Variants in NUFIP2 observed in about 807,000 individuals in gnomAD.
The protein encoded by NUFIP2 is nuclear FMR1 interacting protein 2.
A neutral mutation model predicts 56.9 loss-of-function variants in NUFIP2; 6 were observed. The ratio of observed to expected loss-of-function variants is 0.11; its 90% confidence interval spans 0.06 to 0.21. The LOEUF is 0.21. NUFIP2 is among the 10% of genes least tolerant of loss of function. The pLI is 1.00. For synonymous variants in NUFIP2, 321 were observed against 298.2 expected, an observed-to-expected ratio of 1.08 and a Z score of -0.79; for missense variants, 828 against 826.8, an observed-to-expected ratio of 1.00 and a Z score of -0.02.
At position 29,262,307 on chromosome 17, in the gene NUFIP2, G is replaced by A. The variant is rs1171580825; in HGVS notation, c.*2232C>T. ...GTTACACAAGGCAATTGAACACACA[G>A]CAGAACTTTAAAACCTGTAAAACAA... On this transcript the variant is annotated 3_prime_UTR_variant, in exon 4 of 4. Coordinates refer to ENST00000225388, the MANE Select transcript of NUFIP2 (RefSeq NM_020772.3). 6.6e-6 allele frequency: 1 copy of A among 152,480 alleles called. No individual in the cohort carries two copies. The highest frequency in any genetic ancestry group is 1.9e-4 in the East Asian group (1 of 5,196). The allele number at this position is 152,480 out of a possible 1,614,324, so 9.4% of individuals were successfully genotyped here.
Position 29,286,757 on chromosome 17 carries a change from T to G in NUFIP2, c.1237A>C (p.Asn413His), listed in dbSNP as rs1481906009. ...GCTAAAACAGGCCCATTAGAAAAGT[T>G]GGCAGAAGTAACAGATTTCAGCGCT... ...MSALKSVTSA[N>H]FSNGPVLAGT... Residue 413 changes from asparagine to histidine, a missense_variant, in exon 2 of 4, where the codon AAC (asparagine) becomes CAC (histidine). Around this residue, in one of 3 missense-constraint regions of NUFIP2, gnomAD observed 404 missense variants for 380.3 expected, o/e 1.06. Transcript: ENST00000225388. 4 of 1,614,124 alleles carry G rather than the reference T, an allele frequency of 2.5e-6. No individual in the cohort carries two copies. The highest frequency in any genetic ancestry group is 3.3e-5 in the Admixed American group (2 of 60,000).
intron 1 of NUFIP2, 45 bp downstream of exon 1, chr17:29,293,738 C>T (rs763435237): frequency 2.6e-6 from 3 of 1,165,762 alleles, no homozygotes; most frequent in South Asian, 2.9e-5. Flanking sequence ...TCTCTCCTGT[C>T]CTCCACCCCC....
chr17:29,268,660 G>T (rs757418251), intron 2 of NUFIP2, among the ~76,000 whole-genome samples: 1 of 152,046 alleles, frequency 6.6e-6, no homozygotes, highest in Non-Finnish European at 1.5e-5. Flanking sequence ...TGGGATTACA[G>T]GCATGCGCCA....
In NUFIP2 at chr17:29,264,150, T is replaced by C. The variant is rs1358571610; in HGVS notation, c.*389A>G. 1 of 152,650 alleles carries C rather than the reference T, an allele frequency of 6.6e-6. No homozygotes were observed. Among genetic ancestry groups the C allele is most frequent in the African/African-American group, 2.4e-5 (1 of 41,418 alleles). 9.5% of individuals were successfully genotyped at this position (152,650 alleles called of 1,614,324 possible). A position where few individuals can be genotyped will look rare whatever the true frequency, so the allele number is the denominator to read the frequency against. ...CAGAGATCTTTTAAGTGGATTTGCC[T>C]TTCCAGTGGGTCATTTGTTGCCCAA... On this transcript the variant is annotated 3_prime_UTR_variant, in exon 4 of 4. Transcript: ENST00000225388.
At position 29,286,478 on chromosome 17, in the gene NUFIP2, G is replaced by T. The variant is rs2069175017; in HGVS notation, c.1516C>A (p.Gln506Lys). 4 of 1,614,084 alleles carry T rather than the reference G, an allele frequency of 2.5e-6. No individual in the cohort carries two copies. Among genetic ancestry groups the T allele is most frequent in the South Asian group, 2.2e-5 (2 of 91,084 alleles). Reference protein sequence around the residue: ...QQNLGDIFQNQWGLSFINEPS... With the variant: ...QQNLGDIFQNKWGLSFINEPS... Reference sequence around the variant, plus strand: ...TCATTTATAAATGATAAACCCCACTGATTCTGGAAGATATCCCCCAGGTTT... The same window carrying T: ...TCATTTATAAATGATAAACCCCACTTATTCTGGAAGATATCCCCCAGGTTT... Residue 506 changes from glutamine to lysine, a missense_variant, in exon 2 of 4, where the codon CAG becomes AAG. Physicochemically the swap from Gln to Lys is moderately conservative, Grantham distance 53. This residue lies in a region of NUFIP2 where 404 missense variants were observed against 380.3 expected (regional missense o/e 1.06). Coordinates refer to ENST00000225388, the MANE Select transcript of NUFIP2 (RefSeq NM_020772.3).
In NUFIP2 at chr17:29,264,492, G is replaced by T. The variant is rs371560511; in HGVS notation, c.*47C>A. On this transcript the variant is annotated 3_prime_UTR_variant, in exon 4 of 4. Transcript: ENST00000225388. The stretch of plus-strand genomic sequence containing the variant: ...TAAAAGCCTTGTGTCCCCCATGAAC[G>T]ATGGCTCTAATGCTGCAGAAAGGTT... The T allele has an allele frequency of 1.5e-6, 2 of 1,356,158 alleles. No homozygotes were observed. The highest frequency in any genetic ancestry group is 2.9e-5 in the African/African-American group (2 of 69,628). The allele number at this position is 1,356,158 out of a possible 1,614,324, so 84.0% of individuals were successfully genotyped here. A position where few individuals can be genotyped will look rare whatever the true frequency, so the allele number is the denominator to read the frequency against.
chr17:29,272,118 GAAGAA>G (rs1400006219), intron 2 of NUFIP2, among the ~76,000 whole-genome samples: 93 of 148,914 alleles, frequency 6.2e-4, no homozygotes, highest in Non-Finnish European at 1.2e-3. Flanking sequence ...GAAGAGAAGA[GAAGAA>G]AAGAAAGAAA....
At chr17:29,276,004 G>C (rs1041259667) in intron 2 of NUFIP2, among the ~76,000 whole-genome samples, 5 of 141,422 alleles carry the variant, frequency 3.5e-5, no homozygotes, top group Admixed American at 2.8e-4. Flanking sequence ...CTCCAGCCTA[G>C]GTGACAGAGT....
intron 1 of NUFIP2, among the ~76,000 whole-genome samples, chr17:29,292,182 C>T (rs1267397486): frequency 1.3e-5 from 2 of 152,088 alleles, no homozygotes; most frequent in African/African-American, 4.8e-5. Flanking sequence ...ATACGAAAAA[C>T]ACCTTTCTTT....
intron 2 of NUFIP2, among the ~76,000 whole-genome samples, chr17:29,270,786 A>G (rs946745069): frequency 2.6e-5 from 4 of 152,132 alleles, no homozygotes; most frequent in African/African-American, 9.7e-5. Flanking sequence ...TGGGAAACAT[A>G]GGGAGACCCT....
Position 29,264,070 on chromosome 17 carries a change from G to T in NUFIP2, c.*469C>A, listed in dbSNP as rs1488025042. On this transcript the variant is annotated 3_prime_UTR_variant, in exon 4 of 4. Coordinates refer to ENST00000225388, the MANE Select transcript of NUFIP2 (RefSeq NM_020772.3). Reference sequence around the variant, plus strand: ...AAGGGAGGAGTGGGGGGAAAATGTTGAATCATTCTGGGTTCCCCGTGATTA... The same window carrying T: ...AAGGGAGGAGTGGGGGGAAAATGTTTAATCATTCTGGGTTCCCCGTGATTA... The T allele has an allele frequency of 2.0e-5, 3 of 152,532 alleles. No homozygotes were observed. Among genetic ancestry groups the T allele is most frequent in the East Asian group, 3.9e-4 (2 of 5,188 alleles). The allele number at this position is 152,532 out of a possible 1,614,324, so 9.4% of individuals were successfully genotyped here.
rs2068991170 is a variant in NUFIP2, at chr17:29,259,646, A to T, written c.*4893T>A. 6.6e-6 allele frequency: 1 copy of T among 152,006 alleles called. No homozygotes were observed. The highest frequency in any genetic ancestry group is 1.5e-5 in the Non-Finnish European group (1 of 68,010). 9.4% of individuals were successfully genotyped at this position (152,006 alleles called of 1,614,324 possible). On this transcript the variant is annotated 3_prime_UTR_variant, in exon 4 of 4. Coordinates refer to ENST00000225388, the MANE Select transcript of NUFIP2 (RefSeq NM_020772.3). ...ATGGCTTTAGAACTCTGCACATAAC[A>T]AAATTGTATGGAAAATAGGGAAGTC...
intron 1 of NUFIP2, among the ~76,000 whole-genome samples, chr17:29,290,127 T>G (rs979138728): frequency 1.3e-5 from 2 of 151,916 alleles, no homozygotes; most frequent in African/African-American, 4.8e-5. Flanking sequence ...TCAAGTGATC[T>G]GCCCGCCTGG....
intron 1 of NUFIP2, among the ~76,000 whole-genome samples, chr17:29,289,243 G>C (rs1307048719): frequency 6.6e-6 from 1 of 152,186 alleles, no homozygotes; most frequent in African/African-American, 2.4e-5. Flanking sequence ...GGTGCTATTA[G>C]TTATCTACCT....
At chr17:29,271,127 C>A (rs895646780) in intron 2 of NUFIP2, among the ~76,000 whole-genome samples, 1 of 152,086 alleles carries the variant, frequency 6.6e-6, no homozygotes, top group African/African-American at 2.4e-5. Context: ...ATGTTATTAC[C>A]CTTAAATGTG....
At chr17:29,264,832 C>A (rs2069025050) in intron 3 of NUFIP2, among the ~76,000 whole-genome samples, 1 of 152,150 alleles carries the variant, frequency 6.6e-6, no homozygotes, top group Non-Finnish European at 1.5e-5. Flanking sequence ...GGCCTCAACT[C>A]CTGCAGATCA....
intron 1 of NUFIP2, among the ~76,000 whole-genome samples, chr17:29,290,760 ACT>A (rs1223746148): frequency 1.3e-5 from 2 of 152,080 alleles, no homozygotes; most frequent in Non-Finnish European, 2.9e-5. Context: ...TCCTTACCTA[ACT>A]CTGGATAAGA....
intron 2 of NUFIP2, among the ~76,000 whole-genome samples, chr17:29,281,484 CCT>C (rs938769122): frequency 2.1e-5 from 3 of 144,552 alleles, no homozygotes; most frequent in Non-Finnish European, 3.0e-5. Context: ...ACAGCAACAC[CCT>C]GTCTCAAAAA....
rs896531054 is a variant in NUFIP2 at position 29,258,634 on chromosome 17, T to G, written c.*5905A>C. Reference sequence around the variant, plus strand: ...ACATTTAAGGCCAAAAAGTGTACTATTAACAGAATTCTTATATTCCTAAGT... The same window carrying G: ...ACATTTAAGGCCAAAAAGTGTACTAGTAACAGAATTCTTATATTCCTAAGT... On this transcript the variant is annotated 3_prime_UTR_variant, in exon 4 of 4. Coordinates refer to ENST00000225388, the MANE Select transcript of NUFIP2 (RefSeq NM_020772.3). 6.6e-6 allele frequency: 1 copy of G among 152,200 alleles called. No homozygotes were observed. Among genetic ancestry groups the G allele is most frequent in the Non-Finnish European group, 1.5e-5 (1 of 68,018 alleles). 9.4% of individuals were successfully genotyped at this position (152,200 alleles called of 1,614,324 possible).
Sources: allele counts gnomAD v4.1 joint callset (sites outside exome capture counted in the v4.1 genomes callset), GRCh38; gene constraint gnomAD v4.1.1; regional missense constraint gnomAD v4.1.1; transcripts MANE v1.5; gene names NCBI Gene and HGNC (gene_info 2026-07-23, HGNC 2026-07-21).